ULK4: variants seen among roughly 807,000 people sequenced by gnomAD.
ULK4 encodes the protein inactive serine/threonine-protein kinase ULK4.
ULK4 carries 133 observed loss-of-function variants against 160.6 expected under a neutral mutation model. The observed-to-expected ratio is 0.83, with a 90% CI of 0.72 to 0.96. ULK4 has a LOEUF of 0.96. ULK4 is among the 40% of genes least tolerant of loss of function. The pLI is 0.00. For missense variants in ULK4, 1,580 were observed against 1,499.5 expected (o/e 1.05, Z -0.89); for synonymous variants, 534 against 539.8 (o/e 0.99, Z 0.15).
chr3:41,599,565 CTTTTT>C (rs200055034), intron 31 of ULK4, among the ~76,000 whole-genome samples: 8 of 130,760 alleles, frequency 6.1e-5, no homozygotes, highest in African/African-American at 2.3e-4. Context: ...TTTTCTTTTT[CTTTTT>C]TTTTTTTTTT....
At chr3:41,483,863 G>A (rs1286493723) in intron 32 of ULK4, among the ~76,000 whole-genome samples, 2 of 152,186 alleles carry the variant, frequency 1.3e-5, no homozygotes. Flanking sequence ...ACGTATGACA[G>A]AAGCAAGAAG....
chr3:41,464,455 T>C (rs2083774790), intron 32 of ULK4, among the ~76,000 whole-genome samples: 1 of 152,086 alleles, frequency 6.6e-6, no homozygotes, highest in Non-Finnish European at 1.5e-5. Context: ...GAAAGTAGAA[T>C]GAATTACCGT....
intron 35 of ULK4, among the ~76,000 whole-genome samples, chr3:41,337,121 T>C (rs1298800355): frequency 6.6e-6 from 1 of 152,146 alleles, no homozygotes; most frequent in Non-Finnish European, 1.5e-5. Context: ...CAACAGCAAA[T>C]TCAGGTCTTA....
intron 31 of ULK4, among the ~76,000 whole-genome samples, chr3:41,582,075 CGTGTTT>C (rs2030395964): frequency 6.6e-6 from 1 of 152,146 alleles, no homozygotes; most frequent in Admixed American, 6.5e-5. Context: ...ATAATTCCCA[CGTGTTT>C]TGGGAGGGAC....
chr3:41,686,873 T>C (rs1426070612), intron 27 of ULK4, among the ~76,000 whole-genome samples: 1 of 152,208 alleles, frequency 6.6e-6, no homozygotes, highest in African/African-American at 2.4e-5. Flanking sequence ...TTTCAATACA[T>C]ACAGTTTTCT....
chr3:41,708,051 C>T (rs2036965089), intron 25 of ULK4, among the ~76,000 whole-genome samples: 1 of 151,814 alleles, frequency 6.6e-6, no homozygotes, highest in Non-Finnish European at 1.5e-5. Context: ...GGAACTCTTG[C>T]ACACTGTCGG....
chr3:41,547,970 A>G (rs975580557), intron 32 of ULK4, among the ~76,000 whole-genome samples: 2 of 152,110 alleles, frequency 1.3e-5, no homozygotes, highest in African/African-American at 4.8e-5. Context: ...TGCCACCAAC[A>G]GCAACCCTGT....
chr3:41,561,536 A>G (rs2087569995), intron 32 of ULK4, among the ~76,000 whole-genome samples: 1 of 152,214 alleles, frequency 6.6e-6, no homozygotes, highest in African/African-American at 2.4e-5. Context: ...CCTCAATTTC[A>G]GAGCCTGGTG....
intron 27 of ULK4, among the ~76,000 whole-genome samples, chr3:41,702,903 G>A (rs1375968759): frequency 1.3e-5 from 2 of 148,376 alleles, no homozygotes; most frequent in African/African-American, 5.1e-5. Flanking sequence ...CACCAGCCTG[G>A]AGTGCAGCAG....
chr3:41,507,997 A>G (rs917475213), intron 32 of ULK4, among the ~76,000 whole-genome samples: 1 of 152,216 alleles, frequency 6.6e-6, no homozygotes, highest in African/African-American at 2.4e-5. Context: ...AAAAACTGTG[A>G]GTTGGCTTGC....
Position 41,939,151 on chromosome 3 carries a change from G to A in ULK4, c.139-954C>T, listed in dbSNP as rs116957535. 1.1e-4 allele frequency among the ~76,000 whole-genome samples: 15 copies of A among 139,492 alleles called. No homozygotes were observed. The East Asian group carries it at 2.6e-3, about 24-fold the overall frequency. 91.5% of individuals were successfully genotyped at this position (139,492 alleles called of 152,430 possible). On this transcript the variant is annotated intron_variant, in intron 2 of 36. Transcript: ENST00000301831. Reference sequence around the variant, plus strand: ...TAGAAGGAAACAAAGCAAGACATGAGCAATGATTACCCTTTTTTTTTTTTT... The same window carrying A: ...TAGAAGGAAACAAAGCAAGACATGAACAATGATTACCCTTTTTTTTTTTTT...
intron 29 of ULK4, among the ~76,000 whole-genome samples, chr3:41,670,419 G>T (rs1488630699): frequency 1.3e-5 from 2 of 152,092 alleles, no homozygotes; most frequent in East Asian, 3.9e-4. Flanking sequence ...CCAGTCTTGT[G>T]ATTTTTATGT....
At chr3:41,306,593 C>T (rs912217544) in intron 35 of ULK4, among the ~76,000 whole-genome samples, 10 of 151,222 alleles carry the variant, frequency 6.6e-5, no homozygotes, top group Non-Finnish European at 1.5e-4. Flanking sequence ...CCGGCCGCCC[C>T]TACTGGGAAG....
intron 30 of ULK4, among the ~76,000 whole-genome samples, chr3:41,639,142 T>A (rs186027196): frequency 6.6e-6 from 1 of 152,328 alleles, no homozygotes; most frequent in East Asian, 1.9e-4. Context: ...TAGGATACGA[T>A]CGGCTGATGG....
intron 21 of ULK4, among the ~76,000 whole-genome samples, chr3:41,787,952 C>A (rs1041189426): frequency 5.9e-5 from 9 of 152,156 alleles, no homozygotes; most frequent in African/African-American, 2.2e-4. Context: ...GTAAAACACA[C>A]ACACACACAA....
At chr3:41,549,978 G>A (rs1419500548) in intron 32 of ULK4, among the ~76,000 whole-genome samples, 1 of 152,028 alleles carries the variant, frequency 6.6e-6, no homozygotes, top group African/African-American at 2.4e-5. Flanking sequence ...CCTTCAAAAT[G>A]TAAGACAAAT....
intron 27 of ULK4, among the ~76,000 whole-genome samples, chr3:41,699,101 T>C (rs1407602332): frequency 6.6e-6 from 1 of 152,196 alleles, no homozygotes; most frequent in Non-Finnish European, 1.5e-5. Context: ...TTCTATTGAA[T>C]ATATATTTAG....
intron 27 of ULK4, among the ~76,000 whole-genome samples, chr3:41,683,957 C>T (rs1575566698): frequency 6.6e-6 from 1 of 152,168 alleles, no homozygotes; most frequent in Non-Finnish European, 1.5e-5. Context: ...ACTGATAGCA[C>T]GTGGGTCCAC....
chr3:41,835,955 G>T lies in ULK4; in HGVS notation c.1673C>A (p.Thr558Asn). The change falls in exon 18 of 37, where the codon ACT (threonine) becomes AAT (asparagine). Residue 558 changes from threonine to asparagine, a missense_variant. Coordinates refer to ENST00000301831, the MANE Select transcript of ULK4 (RefSeq NM_017886.4). Reference protein sequence around the residue: ...TPVVEAIVLLTELIRENFRNS... With the variant: ...TPVVEAIVLLNELIRENFRNS... Reference sequence around the variant, plus strand: ...CCTGAAGTTTTCCCTAATTAATTCAGTTAAGAGAACAATTGCCTGCAAAGA... The same window carrying T: ...CCTGAAGTTTTCCCTAATTAATTCATTTAAGAGAACAATTGCCTGCAAAGA... 6.3e-7 allele frequency: 1 copy of T among 1,588,406 alleles called. No homozygotes were observed.
Sources: gnomAD v4.1 joint callset for allele counts (sites outside exome capture counted in the v4.1 genomes callset) on GRCh38, gnomAD v4.1.1 for gene constraint, MANE v1.5 for transcripts, NCBI Gene and HGNC (gene_info 2026-07-23, HGNC 2026-07-21) for gene names.